The following FTO variants were observed in gnomAD, a reference collection of about 807,000 sequenced individuals.
FTO encodes FTO alpha-ketoglutarate dependent dioxygenase, also known as alpha-ketoglutarate-dependent dioxygenase FTO.
Under a neutral mutation model 63.9 loss-of-function variants are expected in FTO, and 47 were observed. The observed-to-expected ratio is 0.74, with a 90% CI of 0.58 to 0.94. The LOEUF (loss-of-function observed/expected upper bound fraction) is 0.94. Ranked by LOEUF, FTO falls within the 40% of genes least tolerant of loss-of-function variation. The pLI, the probability that FTO is intolerant of heterozygous loss-of-function variation, is 0.00. For missense variants in FTO, 562 were observed against 618.1 expected, an observed-to-expected ratio of 0.91 and a Z score of 0.96; for synonymous variants, 207 against 224.4, an observed-to-expected ratio of 0.92 and a Z score of 0.69.
chr16:53,764,833 C>A (rs948062035), intron 1 of FTO, among the ~76,000 whole-genome samples: 2 of 152,030 alleles, frequency 1.3e-5, no homozygotes, highest in Admixed American at 1.3e-4. Context: ...AATTCTTGTG[C>A]CTCAGCCTCC....
intron 3 of FTO, among the ~76,000 whole-genome samples, chr16:53,834,055 C>T (rs964269880): frequency 5.3e-5 from 8 of 151,616 alleles, no homozygotes; most frequent in South Asian, 4.2e-4. Flanking sequence ...GACGGAGTCT[C>T]GGTCTGTCAC....
chr16:54,103,339 A>C (rs913321590), intron 8 of FTO, among the ~76,000 whole-genome samples: 1 of 152,202 alleles, frequency 6.6e-6, no homozygotes, highest in Admixed American at 6.5e-5. Flanking sequence ...GTAGATGTAT[A>C]TACAACTGGA....
intron 6 of FTO, among the ~76,000 whole-genome samples, chr16:53,884,224 T>C (rs2080937367): frequency 6.6e-6 from 1 of 152,232 alleles, no homozygotes; most frequent in Non-Finnish European, 1.5e-5. Context: ...GAAAGGTTCT[T>C]GTTTAATTAT....
At chr16:54,000,471 G>C (rs1425652633) in intron 8 of FTO, among the ~76,000 whole-genome samples, 1 of 152,058 alleles carries the variant, frequency 6.6e-6, no homozygotes, top group African/African-American at 2.4e-5. Flanking sequence ...GGGACATTCT[G>C]GTCTAACCGA....
intron 8 of FTO, among the ~76,000 whole-genome samples, chr16:54,005,986 G>A (rs1326746414): frequency 6.6e-6 from 1 of 152,138 alleles, no homozygotes; most frequent in African/African-American, 2.4e-5. Flanking sequence ...GTTATTTGAT[G>A]ACACAGATTA....
At chr16:53,812,630 C>T (rs1010147129) in intron 2 of FTO, among the ~76,000 whole-genome samples, 1 of 152,016 alleles carries the variant, frequency 6.6e-6, no homozygotes, top group Admixed American at 6.6e-5. Flanking sequence ...ATGCATGCAC[C>T]CAATAGTTAA....
chr16:53,938,431 TAG>T (rs1188104163), intron 8 of FTO, among the ~76,000 whole-genome samples: 3 of 152,240 alleles, frequency 2.0e-5, no homozygotes, highest in Admixed American at 6.5e-5. Flanking sequence ...CTCATGAACA[TAG>T]AGTCTTGATT....
At chr16:53,739,658 A>G (rs2076485525) in intron 1 of FTO, among the ~76,000 whole-genome samples, 2 of 152,198 alleles carry the variant, frequency 1.3e-5, no homozygotes, top group Admixed American at 6.5e-5. Flanking sequence ...TTTTGAATCA[A>G]ACACTAAAGT....
chr16:54,105,513 C>T (rs1332703763), intron 8 of FTO, among the ~76,000 whole-genome samples: 4 of 152,194 alleles, frequency 2.6e-5, no homozygotes, highest in Non-Finnish European at 5.9e-5. Flanking sequence ...TTCCATCAAA[C>T]CTTGAGTAAG....
chr16:53,765,557 CA>C (rs11383210), intron 1 of FTO, among the ~76,000 whole-genome samples: 105 of 120,536 alleles, frequency 8.7e-4, no homozygotes, highest in Middle Eastern at 4.5e-3. Flanking sequence ...AACTCCGTCT[CA>C]AAAAAAAAAA....
chr16:54,001,216 AGCTT>A (rs1242835329), intron 8 of FTO, among the ~76,000 whole-genome samples: 4 of 152,198 alleles, frequency 2.6e-5, no homozygotes, highest in African/African-American at 9.6e-5. Flanking sequence ...ATTTTTAACT[AGCTT>A]ATATTAAATG....
At chr16:53,864,669 T>A (rs2080259665) in intron 4 of FTO, among the ~76,000 whole-genome samples, 2 of 152,188 alleles carry the variant, frequency 1.3e-5, no homozygotes, top group African/African-American at 4.8e-5. Context: ...GTCAGTCAAG[T>A]TTCAGCTGTA....
chr16:54,054,189 G>A (rs1466865515), intron 8 of FTO, among the ~76,000 whole-genome samples: 1 of 152,146 alleles, frequency 6.6e-6, no homozygotes, highest in Non-Finnish European at 1.5e-5. Context: ...GCTGCTACGA[G>A]TCCCAGGTCT....
chr16:53,912,562 G>T (rs2081739327), intron 7 of FTO, among the ~76,000 whole-genome samples: 1 of 152,096 alleles, frequency 6.6e-6, no homozygotes, highest in Non-Finnish European at 1.5e-5. Flanking sequence ...CTTTTGTTTT[G>T]ATAAAAGCAA....
intron 3 of FTO, among the ~76,000 whole-genome samples, chr16:53,827,218 C>T (rs2079030568): frequency 1.3e-5 from 2 of 152,134 alleles, no homozygotes; most frequent in African/African-American, 2.4e-5. Context: ...TAGTAGCCCA[C>T]CCACATTTCT....
chr16:54,079,732 T>A (rs1196411111), intron 8 of FTO, among the ~76,000 whole-genome samples: 1 of 152,120 alleles, frequency 6.6e-6, no homozygotes. Context: ...AACTGGAACG[T>A]GTATGTCCTA....
intron 4 of FTO, among the ~76,000 whole-genome samples, chr16:53,860,901 C>CACAT (rs1369924159): frequency 6.6e-6 from 1 of 151,954 alleles, no homozygotes; most frequent in Non-Finnish European, 1.5e-5. Context: ...CACACACACA[C>CACAT]ACACACACAC....
chr16:53,809,964 G>A (rs2078477800), intron 1 of FTO, among the ~76,000 whole-genome samples, 176 bp from the exon 2 acceptor site: 1 of 151,922 alleles, frequency 6.6e-6, no homozygotes, highest in East Asian at 1.9e-4. Context: ...AAAAAAAGAT[G>A]TATGTAATTT....
At chr16:53,897,715 T>A (rs1260210490) in intron 7 of FTO, among the ~76,000 whole-genome samples, 1 of 152,168 alleles carries the variant, frequency 6.6e-6, no homozygotes, top group Non-Finnish European at 1.5e-5. Context: ...TGAAGTCTCA[T>A]GTCCTGGATA....
Sources: allele counts gnomAD v4.1 joint callset (sites outside exome capture counted in the v4.1 genomes callset), GRCh38; gene constraint gnomAD v4.1.1; transcripts MANE v1.5; gene names NCBI Gene and HGNC (gene_info 2026-07-23, HGNC 2026-07-21).